The following AKAP13 variants were observed in gnomAD, a reference collection of about 807,000 sequenced individuals.
The protein encoded by AKAP13 is A-kinase anchor protein 13.
Under a neutral mutation model 264.5 loss-of-function variants are expected in AKAP13, and 80 were observed. That is an observed-to-expected ratio of 0.30 (90% CI 0.25 to 0.36). The LOEUF (loss-of-function observed/expected upper bound fraction) is 0.36, where lower values mean the gene tolerates loss of function less well. Among genes scored for constraint, AKAP13 ranks in the 10% least tolerant of loss-of-function variants. The pLI is 1.00. For missense variants in AKAP13, 3,712 were observed against 3,435.2 expected (o/e 1.08, Z -2.01); for synonymous variants, 1,380 against 1,250.2 (o/e 1.10, Z -2.19).
chr15:85,463,480 T>C (rs2074602752), intron 1 of AKAP13, among the ~76,000 whole-genome samples: 1 of 152,240 alleles, frequency 6.6e-6, no homozygotes, highest in South Asian at 2.1e-4. Context: ...TCCACACTGT[T>C]ATGAGATCAC....
chr15:85,414,106 G>A (rs1375673046), intron 1 of AKAP13, among the ~76,000 whole-genome samples: 1 of 152,082 alleles, frequency 6.6e-6, no homozygotes, highest in East Asian at 1.9e-4. Flanking sequence ...TAACTTATGT[G>A]TTATTCCCAG....
chr15:85,694,571 C>T (rs982919958), intron 17 of AKAP13, among the ~76,000 whole-genome samples: 6 of 152,172 alleles, frequency 3.9e-5, no homozygotes, highest in African/African-American at 1.4e-4. Context: ...AGCTCATGGG[C>T]TATACAAAAA....
At chr15:85,424,322 C>G (rs2086756) in intron 1 of AKAP13, among the ~76,000 whole-genome samples, 117,802 of 152,164 alleles carry the variant, frequency 0.77, 45,985 homozygotes, top group African/African-American at 0.81. Flanking sequence ...TGGATAACTT[C>G]CTGCAGCTTC....
chr15:85,513,927 T>G (rs542500839), intron 2 of AKAP13, among the ~76,000 whole-genome samples: 1 of 138,792 alleles, frequency 7.2e-6, no homozygotes, highest in Admixed American at 7.2e-5. Flanking sequence ...TGTGTGACTC[T>G]GGAGACACAT....
At chr15:85,655,188 T>G (rs554914232) in intron 10 of AKAP13, among the ~76,000 whole-genome samples, 56 of 152,162 alleles carry the variant, frequency 3.7e-4, no homozygotes, top group African/African-American at 1.2e-3. Context: ...TGAGACTGTC[T>G]CAAAAACAAA....
Position 85,727,231 on chromosome 15 carries a change from G to C in AKAP13, c.6988G>C (p.Asp2330His), listed in dbSNP as rs375169419. 17 of 1,614,124 alleles carry C rather than the reference G, an allele frequency of 1.1e-5. No homozygotes were observed. The South Asian group carries it at 1.8e-4, about 17-fold the overall frequency. ...ERNSWIQIIQ[D>H]TINTLNRDED... Reference sequence around the variant, plus strand: ...AAACAGCTGGATTCAGATCATTCAGGACACAATCAACACCCTGTAAGTTAA... The same window carrying C: ...AAACAGCTGGATTCAGATCATTCAGCACACAATCAACACCCTGTAAGTTAA... The change falls in exon 28 of 37, where the codon GAC (aspartate) becomes CAC (histidine). Residue 2330 changes from aspartate to histidine, a missense_variant. Around this residue, in one of 3 missense-constraint regions of AKAP13, gnomAD observed 342 missense variants for 484.3 expected, o/e 0.71. Transcript: ENST00000394518. This position sits in a 1 kb window ranked among gnomAD's most constrained non-coding sequence, Gnocchi z 5.3.
rs2087017750 is a variant in AKAP13 at position 85,717,501 on chromosome 15, C to T, written c.5848+99C>T. On this transcript the variant is annotated intron_variant, in intron 21 of 36. Transcript: ENST00000394518. ...CTTAATGGAGTGACAGTACCTGCCTCTTCTGTATCCCGTGAAGATTCTCTA... is the reference window on the plus strand; with the variant it reads ...CTTAATGGAGTGACAGTACCTGCCTTTTCTGTATCCCGTGAAGATTCTCTA... 3.7e-6 allele frequency: 3 copies of T among 803,030 alleles called. No individual in the cohort carries two copies. The East Asian group carries it at 8.4e-5, about 22-fold the overall frequency. 49.7% of individuals were successfully genotyped at this position (803,030 alleles called of 1,614,324 possible). A position where few individuals can be genotyped will look rare whatever the true frequency, so the allele number is the denominator to read the frequency against.
intron 5 of AKAP13, among the ~76,000 whole-genome samples, chr15:85,574,066 C>T (rs1362142867): frequency 1.3e-5 from 2 of 152,130 alleles, no homozygotes; most frequent in Admixed American, 6.5e-5. Context: ...AAATTTTGTA[C>T]CCAGAAATCT....
intron 8 of AKAP13, among the ~76,000 whole-genome samples, chr15:85,611,282 A>G (rs773568813): frequency 2.0e-5 from 3 of 152,118 alleles, no homozygotes; most frequent in Non-Finnish European, 2.9e-5. Context: ...CACACTTTCA[A>G]CTGCCTACCA....
chr15:85,582,373 C>G (rs752482887), intron 7 of AKAP13, among the ~76,000 whole-genome samples: 29 of 152,110 alleles, frequency 1.9e-4, no homozygotes, highest in Non-Finnish European at 2.9e-4. Flanking sequence ...TGCAACTTTG[C>G]AAACCTAGAA....
At chr15:85,456,330 G>A (rs1224704233) in intron 1 of AKAP13, among the ~76,000 whole-genome samples, 4 of 152,046 alleles carry the variant, frequency 2.6e-5, no homozygotes, top group African/African-American at 9.7e-5. Context: ...CTGTTAATAA[G>A]GTGTTAGAAA....
At chr15:85,454,864 TCTTAA>T (rs993166061) in intron 1 of AKAP13, among the ~76,000 whole-genome samples, 3 of 152,258 alleles carry the variant, frequency 2.0e-5, no homozygotes, top group Non-Finnish European at 4.4e-5. Context: ...TCATTTGGTC[TCTTAA>T]CAGGCAGCAA....
At chr15:85,608,375 C>T (rs970894655) in intron 8 of AKAP13, among the ~76,000 whole-genome samples, 8 of 152,092 alleles carry the variant, frequency 5.3e-5, no homozygotes, top group South Asian at 4.1e-4. Flanking sequence ...TGGTGGTAAA[C>T]GAAGACATTA....
chr15:85,727,263 GGC>G lies in AKAP13; in HGVS notation c.7004+17_7004+18del, dbSNP rs1207269456. ...TCAACACCCTGTAAGTTAACCACCAGGCCCCACCCTTCCCAGCCCTCCTGATG... is the reference window on the plus strand; with the variant it reads ...TCAACACCCTGTAAGTTAACCACCAGCCCACCCTTCCCAGCCCTCCTGATG... On this transcript the variant is annotated intron_variant, in intron 28 of 36. Coordinates refer to ENST00000394518, the MANE Select transcript of AKAP13 (RefSeq NM_007200.5). The surrounding 1 kb of genome is among the most constrained non-coding windows in gnomAD (Gnocchi z 5.3). 2 of 1,613,892 alleles carry G rather than the reference GGC, an allele frequency of 1.2e-6. No homozygotes were observed. Among genetic ancestry groups the G allele is most frequent in the Non-Finnish European group, 1.7e-6 (2 of 1,179,858 alleles).
chr15:85,726,842 T>A (rs1245843318), intron 27 of AKAP13: 1 of 572,444 alleles, frequency 1.7e-6, no homozygotes, highest in Non-Finnish European at 3.0e-6. Flanking sequence ...GTGGAAAACA[T>A]GACTGGAACC....
At chr15:85,735,470 C>G (rs1427381889) in intron 31 of AKAP13, 90 bp from the exon 32 acceptor site, 1 of 1,370,020 alleles carries the variant, frequency 7.3e-7, no homozygotes, top group Non-Finnish European at 1.0e-6. Context: ...TTCAGACATA[C>G]TACATCCCCA....
chr15:85,627,305 A>C (rs1018124421), intron 8 of AKAP13, among the ~76,000 whole-genome samples: 3 of 151,944 alleles, frequency 2.0e-5, no homozygotes, highest in Non-Finnish European at 2.9e-5. Context: ...TAGATTTCCT[A>C]TTTCTGTTCA....
rs896275865 is a variant in AKAP13 at position 85,747,373 on chromosome 15, T to G, written c.*2696T>G. 2.6e-5 allele frequency: 4 copies of G among 151,978 alleles called. No homozygotes were observed. The highest frequency in any genetic ancestry group is 5.9e-5 in the Non-Finnish European group (4 of 67,982). 9.4% of individuals were successfully genotyped at this position (151,978 alleles called of 1,614,324 possible). Reference sequence around the variant, plus strand: ...ATCTAATGGCCTGTCTTGGTTTCTATCACATGAGAAGGGGTTGTTTTTTTG... The same window carrying G: ...ATCTAATGGCCTGTCTTGGTTTCTAGCACATGAGAAGGGGTTGTTTTTTTG... On this transcript the variant is annotated 3_prime_UTR_variant, in exon 37 of 37. Coordinates refer to ENST00000394518, the MANE Select transcript of AKAP13 (RefSeq NM_007200.5).
intron 8 of AKAP13, among the ~76,000 whole-genome samples, chr15:85,596,453 C>G (rs1041916237): frequency 6.6e-6 from 1 of 152,014 alleles, no homozygotes; most frequent in Non-Finnish European, 1.5e-5. Context: ...CAAAAATTAG[C>G]CAGGCGTGGT....
Sources: allele counts gnomAD v4.1 joint callset (sites outside exome capture counted in the v4.1 genomes callset), GRCh38; gene constraint gnomAD v4.1.1; regional missense constraint gnomAD v4.1.1; non-coding constraint Gnocchi (gnomAD v3.1); transcripts MANE v1.5; gene names NCBI Gene and HGNC (gene_info 2026-07-23, HGNC 2026-07-21).